Variants in PPP2R5C observed in about 807,000 individuals in gnomAD.
The protein encoded by PPP2R5C is serine/threonine-protein phosphatase 2A 56 kDa regulatory subunit gamma isoform.
In PPP2R5C, 7 loss-of-function variants were observed where a neutral mutation model predicts 68.9. The observed-to-expected ratio is 0.10, with a 90% CI of 0.06 to 0.19. The LOEUF is 0.19. Ranked by LOEUF, PPP2R5C falls within the 10% of genes least tolerant of loss-of-function variation. The probability of loss-of-function intolerance (pLI) is 1.00; values close to 1 mark genes in which losing one functional copy is unlikely to be tolerated. For synonymous variants in PPP2R5C, 210 were observed against 222.2 expected, an observed-to-expected ratio of 0.95 and a Z score of 0.49; for missense variants, 348 against 641.3, an observed-to-expected ratio of 0.54 and a Z score of 4.94.
In PPP2R5C at chr14:101,845,126, C is replaced by A. The variant is rs558434178; in HGVS notation, c.95-11560C>A. 6.9e-5 allele frequency among the ~76,000 whole-genome samples: 10 copies of A among 145,930 alleles called. No homozygotes were observed. In the South Asian group the frequency reaches 2.1e-3, roughly 31 times the overall value. ...TAGGAGTTTGTTTGACCTGTCTCAA[C>A]CTTTCCCTGTTTAAAAAAAAAAAAA... On this transcript the variant is annotated intron_variant, in intron 1 of 13. Coordinates refer to ENST00000334743, the Ensembl canonical transcript of PPP2R5C.
chr14:101,853,975 T>C (rs902004190), intron 1 of PPP2R5C, among the ~76,000 whole-genome samples: 2 of 152,104 alleles, frequency 1.3e-5, no homozygotes, highest in African/African-American at 4.8e-5. Flanking sequence ...TCATTTAAGG[T>C]AATCCTGGCA....
At chr14:101,881,054 C>T (rs1055795983) in intron 2 of PPP2R5C, among the ~76,000 whole-genome samples, 1 of 152,038 alleles carries the variant, frequency 6.6e-6, no homozygotes, top group Non-Finnish European at 1.5e-5. Context: ...GCATACGATC[C>T]GTTCAGAGAT....
chr14:101,841,125 A>C (rs1485250204), intron 1 of PPP2R5C, among the ~76,000 whole-genome samples: 1 of 152,194 alleles, frequency 6.6e-6, no homozygotes, highest in Non-Finnish European at 1.5e-5. Flanking sequence ...TTTCCAGTTG[A>C]GAAAACTGAG....
At chr14:101,837,375 G>A (rs904641258) in intron 1 of PPP2R5C, among the ~76,000 whole-genome samples, 3 of 152,040 alleles carry the variant, frequency 2.0e-5, no homozygotes, top group South Asian at 4.1e-4. Flanking sequence ...CTCAACTCCC[G>A]ATCTCAGGTG....
At chr14:101,923,576 A>AC (rs1321400407) in intron 13 of PPP2R5C, among the ~76,000 whole-genome samples, 1 of 152,130 alleles carries the variant, frequency 6.6e-6, no homozygotes, top group Non-Finnish European at 1.5e-5. Context: ...CGTGACCTTC[A>AC]CCATCTCCAG....
chr14:101,819,425 A>G, intron 1 of PPP2R5C: 1 of 237,404 alleles, frequency 4.2e-6, no homozygotes, highest in Non-Finnish European at 8.4e-6. Context: ...GGTGAGGAAT[A>G]TGGCGCCTTT....
intron 1 of PPP2R5C, among the ~76,000 whole-genome samples, chr14:101,849,327 C>T (rs899523758): frequency 6.6e-6 from 1 of 152,144 alleles, no homozygotes; most frequent in Non-Finnish European, 1.5e-5. Context: ...TGCACTGCCC[C>T]GCCCATGGGT....
Position 101,891,554 on chromosome 14 carries a change from A to G in PPP2R5C, c.689+1258A>G, listed in dbSNP as rs953518434. Among the ~76,000 whole-genome samples, 4 of 151,884 alleles carry G rather than the reference A, an allele frequency of 2.6e-5. No individual in the cohort carries two copies. Among genetic ancestry groups the G allele is most frequent in the Admixed American group, 1.3e-4 (2 of 15,250 alleles). On this transcript the variant is annotated intron_variant, in intron 6 of 13. Coordinates refer to ENST00000334743, the Ensembl canonical transcript of PPP2R5C. The surrounding 1 kb of genome is among the most constrained non-coding windows in gnomAD (Gnocchi z 4.9). ...CCTCCTAGGTTGTTGCAGGGACCGG[A>G]GCGCTGTATGACATGTGTTCCACAG...
intron 2 of PPP2R5C, among the ~76,000 whole-genome samples, chr14:101,778,172 G>C (rs186472723): frequency 8.3e-4 from 126 of 152,314 alleles, no homozygotes; most frequent in Non-Finnish European, 9.3e-4. Context: ...AACATCTAAA[G>C]GTGGTGAGCA....
At chr14:101,840,345 G>A (rs1344507780) in intron 1 of PPP2R5C, among the ~76,000 whole-genome samples, 3 of 151,768 alleles carry the variant, frequency 2.0e-5, no homozygotes, top group African/African-American at 7.3e-5. Context: ...AGAAACTGAG[G>A]CCCAAAAAGG....
intron 1 of PPP2R5C, among the ~76,000 whole-genome samples, chr14:101,850,190 G>A (rs566357910): frequency 1.6e-4 from 24 of 152,274 alleles, no homozygotes; most frequent in African/African-American, 5.8e-4. Flanking sequence ...GCTCCTCTCA[G>A]CGTTGCCCAG....
At chr14:101,907,044 C>G (rs188018462) in intron 10 of PPP2R5C, among the ~76,000 whole-genome samples, 1 of 152,308 alleles carries the variant, frequency 6.6e-6, no homozygotes, top group African/African-American at 2.4e-5. Context: ...CTACTCCGCT[C>G]CTTCATCTTT....
intron 2 of PPP2R5C, among the ~76,000 whole-genome samples, chr14:101,780,077 A>AT (rs1234944901): frequency 6.6e-6 from 1 of 152,074 alleles, no homozygotes; most frequent in African/African-American, 2.4e-5. Context: ...ACACTACATT[A>AT]TTTTGAAGCA....
intron 2 of PPP2R5C, among the ~76,000 whole-genome samples, chr14:101,874,653 A>C (rs576680886): frequency 6.6e-6 from 1 of 152,382 alleles, no homozygotes; most frequent in African/African-American, 2.4e-5. Flanking sequence ...TCTTGTTATG[A>C]AACTGTAGAA....
chr14:101,909,720 T>A, intron 11 of PPP2R5C, 30 bp downstream of exon 13: 3 of 1,504,710 alleles, frequency 2.0e-6, no homozygotes, highest in Non-Finnish European at 2.8e-6. Context: ...AGTTACTGTT[T>A]CCAGGATTTT....
intron 3 of PPP2R5C, among the ~76,000 whole-genome samples, chr14:101,788,896 T>G (rs1335626461): frequency 6.6e-6 from 1 of 152,240 alleles, no homozygotes; most frequent in African/African-American, 2.4e-5. Flanking sequence ...TTCTGACTTA[T>G]AAAATTTTAT....
intron 2 of PPP2R5C, among the ~76,000 whole-genome samples, chr14:101,875,979 G>A (rs113261171): frequency 0.011 from 1,667 of 152,240 alleles, 33 homozygotes; most frequent in African/African-American, 0.038. Context: ...TGGAGTCTTC[G>A]TCTCTGTTTC....
intron 1 of PPP2R5C, among the ~76,000 whole-genome samples, chr14:101,821,967 T>A (rs1254622319): frequency 1.3e-5 from 2 of 152,132 alleles, no homozygotes; most frequent in Non-Finnish European, 2.9e-5. Context: ...GACCTGGTCC[T>A]GAGGAGATGT....
In PPP2R5C at chr14:101,910,659, C is replaced by T. The variant is rs549212227; in HGVS notation, c.1253+969C>T. Among the ~76,000 whole-genome samples, 4 of 152,080 alleles carry T rather than the reference C, an allele frequency of 2.6e-5. No individual in the cohort carries two copies. The South Asian group carries it at 6.2e-4, about 24-fold the overall frequency. Reference sequence around the variant, plus strand: ...CATGCTGGCTAACACGGTGAAACCCCATCTCTACTAAAAAATACCAAAAAA... The same window carrying T: ...CATGCTGGCTAACACGGTGAAACCCTATCTCTACTAAAAAATACCAAAAAA... On this transcript the variant is annotated intron_variant, in intron 11 of 13. Coordinates refer to ENST00000334743, the Ensembl canonical transcript of PPP2R5C.
Sources: gnomAD v4.1 joint callset for allele counts (sites outside exome capture counted in the v4.1 genomes callset) on GRCh38, gnomAD v4.1.1 for gene constraint, Gnocchi (gnomAD v3.1) non-coding constraint, MANE v1.5 for transcripts, NCBI Gene and HGNC (gene_info 2026-07-23, HGNC 2026-07-21) for gene names.